The following TAFA4 variants were observed in gnomAD, a reference collection of about 807,000 sequenced individuals.
The protein encoded by TAFA4 is TAFA chemokine like family member 4.
Under a neutral mutation model 21.1 loss-of-function variants are expected in TAFA4, and 20 were observed. The observed-to-expected ratio is 0.95, with a 90% CI of 0.67 to 1.38. The LOEUF is 1.38. TAFA4 is among the 40% of genes most tolerant of loss of function. The probability of loss-of-function intolerance (pLI) is 0.00; values close to 1 mark genes in which losing one functional copy is unlikely to be tolerated. For missense variants in TAFA4, 211 were observed against 180.9 expected (o/e 1.17, Z -0.95); for synonymous variants, 71 against 67.4 (o/e 1.05, Z -0.26).
intron 3 of TAFA4, among the ~76,000 whole-genome samples, chr3:68,771,266 A>G (rs918915898): frequency 5.3e-5 from 8 of 152,258 alleles, no homozygotes; most frequent in African/African-American, 1.9e-4. Context: ...GTGATAAGGC[A>G]GAATGTGTAA....
intron 3 of TAFA4, among the ~76,000 whole-genome samples, chr3:68,809,701 T>C (rs559374729): frequency 3.3e-5 from 5 of 152,266 alleles, no homozygotes; most frequent in Admixed American, 2.0e-4. Flanking sequence ...CATAGTCTTA[T>C]CTTTAACTGC....
intron 1 of TAFA4, among the ~76,000 whole-genome samples, chr3:68,906,813 T>C (rs1028318144): frequency 1.4e-4 from 21 of 151,946 alleles, no homozygotes; most frequent in African/African-American, 3.9e-4. Context: ...GTGGATCACC[T>C]GAGTGTGGGA....
At position 68,836,448 on chromosome 3, in the gene TAFA4, A is replaced by T. The variant is rs1234413098; in HGVS notation, c.130+44282T>A. On this transcript the variant is annotated intron_variant, in intron 3 of 5. Coordinates refer to ENST00000295569, the MANE Select transcript of TAFA4 (RefSeq NM_182522.5). ...GACTATGAAGAAGCCTGTGTGTAGG[A>T]AAGTCTGGCTTCTAGAACTTCCTCT... 1.3e-5 allele frequency among the ~76,000 whole-genome samples: 2 copies of T among 152,232 alleles called. 1 individual carries two copies. Among genetic ancestry groups the T allele is most frequent in the Middle Eastern group, 6.3e-3 (2 of 316 alleles).
chr3:68,924,045 G>A (rs1196335439), intron 1 of TAFA4, among the ~76,000 whole-genome samples: 3 of 152,144 alleles, frequency 2.0e-5, no homozygotes, highest in African/African-American at 4.8e-5. Flanking sequence ...AAATGGCACA[G>A]CTACCATAGA....
At chr3:68,778,545 TG>T (rs1703091875) in intron 3 of TAFA4, among the ~76,000 whole-genome samples, 1 of 152,174 alleles carries the variant, frequency 6.6e-6, no homozygotes, top group South Asian at 2.1e-4. Flanking sequence ...AATTGAATCA[TG>T]GGGGTATGTC....
At chr3:68,764,553 C>G (rs372561522) in intron 3 of TAFA4, among the ~76,000 whole-genome samples, 1 of 152,110 alleles carries the variant, frequency 6.6e-6, no homozygotes, top group East Asian at 1.9e-4. Context: ...ACAAATCACT[C>G]GTGTTTCTGA....
chr3:68,796,160 G>A (rs967087093), intron 3 of TAFA4, among the ~76,000 whole-genome samples: 1 of 152,164 alleles, frequency 6.6e-6, no homozygotes, highest in African/African-American at 2.4e-5. Context: ...TAAAAACTCA[G>A]GGCAAGTTCT....
intron 3 of TAFA4, among the ~76,000 whole-genome samples, chr3:68,847,419 A>G (rs1338411523): frequency 1.3e-5 from 2 of 152,244 alleles, no homozygotes; most frequent in Non-Finnish European, 2.9e-5. Flanking sequence ...GCTGGCAGCA[A>G]GAATTTCAAG....
chr3:68,766,797 C>T (rs1006277232), intron 3 of TAFA4, among the ~76,000 whole-genome samples: 1 of 152,182 alleles, frequency 6.6e-6, no homozygotes, highest in African/African-American at 2.4e-5. Context: ...GGTGTTTCCT[C>T]ATGGAATTCA....
intron 4 of TAFA4, among the ~76,000 whole-genome samples, chr3:68,751,186 G>A (rs1702551770): frequency 6.6e-6 from 1 of 152,228 alleles, no homozygotes; most frequent in Non-Finnish European, 1.5e-5. Flanking sequence ...GTACTTGAAA[G>A]AGAACTGAGA....
intron 1 of TAFA4, among the ~76,000 whole-genome samples, chr3:68,926,716 T>C (rs531344353): frequency 6.6e-6 from 1 of 152,130 alleles, no homozygotes; most frequent in African/African-American, 2.4e-5. Flanking sequence ...AGTTTGAAAC[T>C]AGCCTGGCCA....
intron 3 of TAFA4, among the ~76,000 whole-genome samples, chr3:68,827,297 T>C (rs1575627829): frequency 6.6e-6 from 1 of 152,310 alleles, no homozygotes; most frequent in Non-Finnish European, 1.5e-5. Flanking sequence ...GATGGACATT[T>C]GGGTTGGTTC....
At chr3:68,830,524 C>A (rs1445350760) in intron 3 of TAFA4, among the ~76,000 whole-genome samples, 2 of 152,152 alleles carry the variant, frequency 1.3e-5, no homozygotes, top group African/African-American at 2.4e-5. Context: ...ATGCTGAGTT[C>A]TAATTTGATT....
At chr3:68,820,692 G>C (rs1254820415) in intron 3 of TAFA4, among the ~76,000 whole-genome samples, 1 of 152,054 alleles carries the variant, frequency 6.6e-6, no homozygotes, top group African/African-American at 2.4e-5. Context: ...ATTGCTAAGA[G>C]AAATGATGTT....
intron 3 of TAFA4, among the ~76,000 whole-genome samples, chr3:68,807,977 T>C (rs1309584696): frequency 6.6e-6 from 1 of 152,174 alleles, no homozygotes; most frequent in Non-Finnish European, 1.5e-5. Context: ...GTCTCCCTTA[T>C]AATACAGTAG....
At chr3:68,765,951 G>T (rs1357124613) in intron 3 of TAFA4, among the ~76,000 whole-genome samples, 3 of 152,108 alleles carry the variant, frequency 2.0e-5, no homozygotes, top group Non-Finnish European at 2.9e-5. Context: ...AAGTCCATTA[G>T]TCACCATTCC....
chr3:68,809,028 A>G (rs549250159), intron 3 of TAFA4, among the ~76,000 whole-genome samples: 2 of 152,358 alleles, frequency 1.3e-5, no homozygotes, highest in South Asian at 4.1e-4. Context: ...AAAGCAACTC[A>G]CATGATCAAA....
rs113872334 is a variant in TAFA4 at position 68,756,267 on chromosome 3, C to T, written c.131-3249G>A. Among the ~76,000 whole-genome samples the T allele has an allele frequency of 2.3e-3, 353 of 152,220 alleles. 3 individuals carry two copies. The highest frequency in any genetic ancestry group is 7.6e-3 in the African/African-American group (316 of 41,536). ...TTTGCTCTGATAAAAATAACATAAACGAGACTGTAGAGGTTCTGTTCAGAA... is the reference window on the plus strand; with the variant it reads ...TTTGCTCTGATAAAAATAACATAAATGAGACTGTAGAGGTTCTGTTCAGAA... On this transcript the variant is annotated intron_variant, in intron 3 of 5. Transcript: ENST00000295569.
intron 3 of TAFA4, among the ~76,000 whole-genome samples, chr3:68,760,925 G>T (rs1206344995): frequency 6.6e-6 from 1 of 152,216 alleles, no homozygotes; most frequent in Admixed American, 6.5e-5. Context: ...CAGGGCCTCT[G>T]CCAGGTGGTG....
Sources: gnomAD v4.1 joint callset for allele counts (sites outside exome capture counted in the v4.1 genomes callset) on GRCh38, gnomAD v4.1.1 for gene constraint, MANE v1.5 for transcripts, NCBI Gene and HGNC (gene_info 2026-07-23, HGNC 2026-07-21) for gene names.